The following CRTC3 variants were observed in gnomAD, a reference collection of about 807,000 sequenced individuals.
The protein encoded by CRTC3 is CREB-regulated transcription coactivator 3.
CRTC3 carries 26 observed loss-of-function variants against 74.5 expected under a neutral mutation model. That is an observed-to-expected ratio of 0.35 (90% CI 0.26 to 0.48). The LOEUF is 0.48. Ranked by LOEUF, CRTC3 falls within the 20% of genes least tolerant of loss-of-function variation. The pLI is 0.99. For synonymous variants in CRTC3, 377 were observed against 325.8 expected (o/e 1.16, Z -1.69); for missense variants, 760 against 787.3 (o/e 0.97, Z 0.41).
chr15:90,548,299 T>C (rs1166191260), intron 2 of CRTC3, among the ~76,000 whole-genome samples: 1 of 152,236 alleles, frequency 6.6e-6, no homozygotes, highest in Non-Finnish European at 1.5e-5. Flanking sequence ...CATCATGTCA[T>C]GTGTAACTGA....
At chr15:90,572,375 G>T (rs909293326) in intron 2 of CRTC3, among the ~76,000 whole-genome samples, 1 of 152,090 alleles carries the variant, frequency 6.6e-6, no homozygotes, top group Admixed American at 6.5e-5. Context: ...TTCTTGTTAT[G>T]ATATCGTGTT....
At chr15:90,541,219 T>G (rs1966796776) in intron 2 of CRTC3, among the ~76,000 whole-genome samples, 1 of 152,220 alleles carries the variant, frequency 6.6e-6, no homozygotes, top group African/African-American at 2.4e-5. Flanking sequence ...AATTTAAGAT[T>G]CGGTGTTAAA....
At chr15:90,593,521 A>G (rs1967847251) in intron 2 of CRTC3, 115 bp from the exon 3 acceptor site, 1 of 1,219,976 alleles carries the variant, frequency 8.2e-7, no homozygotes, top group African/African-American at 1.5e-5. Context: ...CCACTAATGT[A>G]TAATAAGTAA....
intron 2 of CRTC3, among the ~76,000 whole-genome samples, chr15:90,548,474 G>A (rs1226223064): frequency 1.3e-5 from 2 of 152,148 alleles, no homozygotes; most frequent in African/African-American, 4.8e-5. Context: ...CGCATAGCAA[G>A]TAAGTAAGAG....
chr15:90,621,300 G>T (rs1968644450), intron 9 of CRTC3, among the ~76,000 whole-genome samples: 1 of 152,124 alleles, frequency 6.6e-6, no homozygotes, highest in Non-Finnish European at 1.5e-5. Context: ...GGTTTTTGTT[G>T]TTGTTGTTTA....
chr15:90,564,863 G>A (rs1204357155), intron 2 of CRTC3, among the ~76,000 whole-genome samples: 1 of 150,296 alleles, frequency 6.7e-6, no homozygotes, highest in African/African-American at 2.4e-5. Context: ...TTCAAAGCCT[G>A]TCTCTACCCA....
At chr15:90,541,741 G>A (rs927602532) in intron 2 of CRTC3, among the ~76,000 whole-genome samples, 3 of 151,804 alleles carry the variant, frequency 2.0e-5, no homozygotes, top group African/African-American at 7.3e-5. Context: ...GGTTGCATTG[G>A]GGAATGGGAT....
rs777891383 is a variant in CRTC3 at position 90,625,827 on chromosome 15, C to T, written c.801C>T (p.Thr267=). 9 of 1,614,072 alleles carry T rather than the reference C, an allele frequency of 5.6e-6. No homozygotes were observed. In the Admixed American group the frequency reaches 1.0e-4, roughly 18 times the overall value. ...TAGGCCTCTCACCCTTCTTGGGGAC[C>T]TTGAACACTGGAGGGTCATTGCCAG... ...QNLGLSPFLG[T]LNTGGSLPDL... Residue 267 remains threonine (T), a synonymous_variant, in exon 10 of 15, where the codon ACC becomes ACT. Transcript: ENST00000268184.
rs1386581835 is a variant in CRTC3, at chr15:90,625,976, G to A, written c.950G>A (p.Gly317Asp). The A allele has an allele frequency of 6.2e-7, 1 of 1,614,136 alleles. No individual in the cohort carries two copies. The highest frequency in any genetic ancestry group is 1.7e-5 in the Admixed American group (1 of 60,030). ...ATCCCAGCTGCTATGACCCACCTGG[G>A]TATAAGAAGCTCCTCTGGTGAGTAT... ...NNIPAAMTHL[G>D]IRSSSGLQSS... Residue 317 changes from glycine (G) to aspartate (D), a missense_variant, in exon 10 of 15, where the codon GGT becomes GAT. By Grantham distance (94) the Gly-to-Asp change is moderately conservative. Around this residue, in one of 2 missense-constraint regions of CRTC3, gnomAD observed 652 missense variants for 635.2 expected, o/e 1.03. Transcript: ENST00000268184.
chr15:90,620,501 G>A (rs1034147622), intron 9 of CRTC3, among the ~76,000 whole-genome samples: 16 of 152,128 alleles, frequency 1.1e-4, no homozygotes, highest in Admixed American at 7.9e-4. Flanking sequence ...AAGAGAGAAC[G>A]AGGAGATGAG....
intron 9 of CRTC3, 94 bp from the exon 10 acceptor site, chr15:90,625,680 CTG>C: frequency 8.9e-7 from 1 of 1,123,478 alleles, no homozygotes; most frequent in South Asian, 1.3e-5. Context: ...TTTGTAGCCA[CTG>C]CTCTTATTTG....
chr15:90,535,572 G>A (rs1966705802), intron 1 of CRTC3, among the ~76,000 whole-genome samples: 1 of 152,142 alleles, frequency 6.6e-6, no homozygotes, highest in African/African-American at 2.4e-5. Flanking sequence ...CTTGTGTTGA[G>A]GAACCAGAGG....
At chr15:90,597,504 A>C (rs1967957236) in intron 3 of CRTC3, among the ~76,000 whole-genome samples, 1 of 152,134 alleles carries the variant, frequency 6.6e-6, no homozygotes, top group African/African-American at 2.4e-5. Context: ...TTTTCATCAT[A>C]ATGAGATGAA....
At chr15:90,583,030 G>C (rs1369277007) in intron 2 of CRTC3, among the ~76,000 whole-genome samples, 1 of 151,938 alleles carries the variant, frequency 6.6e-6, no homozygotes, top group South Asian at 2.1e-4. Context: ...TAGAGATGGG[G>C]TCTCATTATG....
intron 2 of CRTC3, among the ~76,000 whole-genome samples, chr15:90,561,456 A>G (rs973015493): frequency 1.3e-5 from 2 of 152,224 alleles, no homozygotes; most frequent in East Asian, 1.9e-4. Context: ...CCTGAAGTCA[A>G]CCAGGCTGTA....
chr15:90,551,885 G>A (rs12915399), intron 2 of CRTC3, among the ~76,000 whole-genome samples: 1 of 6,934 alleles, frequency 1.4e-4, no homozygotes, highest in Non-Finnish European at 3.9e-4. Flanking sequence ...CTCTGAAAGG[G>A]TGTGTGGTAA....
intron 2 of CRTC3, among the ~76,000 whole-genome samples, chr15:90,588,249 G>A (rs1334119668): frequency 4.6e-5 from 6 of 130,160 alleles, no homozygotes; most frequent in Non-Finnish European, 9.9e-5. Context: ...GACAGAGTGC[G>A]ACTCTGTCTC....
chr15:90,639,923 C>G (rs1344254806), intron 13 of CRTC3, among the ~76,000 whole-genome samples: 1 of 151,970 alleles, frequency 6.6e-6, no homozygotes, highest in African/African-American at 2.4e-5. Context: ...GTGGCAGGCA[C>G]CTGTAGTCCC....
intron 11 of CRTC3, among the ~76,000 whole-genome samples, chr15:90,631,799 C>T (rs111987496): frequency 0.022 from 3,336 of 151,944 alleles, 124 homozygotes; most frequent in African/African-American, 0.075. Context: ...CCAGGCTGGT[C>T]TTAAACTCCT....
Sources: allele counts gnomAD v4.1 joint callset (sites outside exome capture counted in the v4.1 genomes callset), GRCh38; gene constraint gnomAD v4.1.1; regional missense constraint gnomAD v4.1.1; transcripts MANE v1.5; gene names NCBI Gene and HGNC (gene_info 2026-07-23, HGNC 2026-07-21).